The following RARS2 variants were observed in gnomAD, a reference collection of about 807,000 sequenced individuals.
RARS2 encodes probable arginine--tRNA ligase, mitochondrial.
Under a neutral mutation model 88.5 loss-of-function variants are expected in RARS2, and 67 were observed. That is an observed-to-expected ratio of 0.76 (90% CI 0.62 to 0.93). The LOEUF (loss-of-function observed/expected upper bound fraction) is 0.93. RARS2 is among the 40% of genes least tolerant of loss of function. The probability of loss-of-function intolerance (pLI) is 0.00; values close to 1 mark genes in which losing one functional copy is unlikely to be tolerated. For synonymous variants in RARS2, 239 were observed against 230.3 expected, an observed-to-expected ratio of 1.04 and a Z score of -0.34; for missense variants, 664 against 684.2, an observed-to-expected ratio of 0.97 and a Z score of 0.33.
chr6:87,518,148 G>A (rs758282883), intron 17 of RARS2, 21 bp downstream of exon 17: 12 of 1,613,994 alleles, frequency 7.4e-6, no homozygotes, highest in Non-Finnish European at 1.0e-5. Context: ...CACACTTGAT[G>A]ATCCCTGGAA....
intron 1 of RARS2, among the ~76,000 whole-genome samples, chr6:87,573,684 A>T (rs898802427): frequency 5.3e-5 from 8 of 152,172 alleles, no homozygotes; most frequent in Non-Finnish European, 1.2e-4. Flanking sequence ...ATTTTTTCAC[A>T]ATTTAAAAAA....
At chr6:87,572,025 A>G (rs1769897404) in intron 1 of RARS2, among the ~76,000 whole-genome samples, 1 of 152,086 alleles carries the variant, frequency 6.6e-6, no homozygotes, top group Admixed American at 6.6e-5. Context: ...AGGCTCAAAC[A>G]GTTCATGTTT....
rs1788652877 is a variant in RARS2 at position 87,564,060 on chromosome 6, A to G, written c.213+70T>C. 2.6e-6 allele frequency: 3 copies of G among 1,139,978 alleles called. No individual in the cohort carries two copies. The Admixed American group carries it at 5.2e-5, about 20-fold the overall frequency. 70.6% of individuals were successfully genotyped at this position (1,139,978 alleles called of 1,614,324 possible). On this transcript the variant is annotated intron_variant, in intron 3 of 19. Transcript: ENST00000369536. ...TTAAATTCACTATTATGGCTGAGATAGCCTGCAAAGTACTTTTTTTAATAA... is the reference window on the plus strand; with the variant it reads ...TTAAATTCACTATTATGGCTGAGATGGCCTGCAAAGTACTTTTTTTAATAA...
At chr6:87,532,927 T>C (rs1398931402) in intron 8 of RARS2, among the ~76,000 whole-genome samples, 2 of 152,180 alleles carry the variant, frequency 1.3e-5, no homozygotes, top group Non-Finnish European at 2.9e-5. Context: ...TTCTTGACTT[T>C]TGAATGACAC....
At chr6:87,561,737 G>C (rs182344638) in intron 4 of RARS2, among the ~76,000 whole-genome samples, 2 of 152,264 alleles carry the variant, frequency 1.3e-5, no homozygotes, top group African/African-American at 4.8e-5. Context: ...TAAGCAGTCC[G>C]CTTGCTCCTT....
At chr6:87,536,419 A>T (rs965822510) in intron 8 of RARS2, among the ~76,000 whole-genome samples, 2 of 151,974 alleles carry the variant, frequency 1.3e-5, no homozygotes, top group Non-Finnish European at 2.9e-5. Context: ...GGCGGATCAC[A>T]AGGTCAGGAG....
intron 5 of RARS2, among the ~76,000 whole-genome samples, chr6:87,553,257 T>C (rs77631412): frequency 0.011 from 1,708 of 152,292 alleles, 31 homozygotes; most frequent in African/African-American, 0.039. Context: ...AGAGCCATTT[T>C]TGATTTGTAG....
At chr6:87,541,375 T>C (rs1466684483) in intron 8 of RARS2, among the ~76,000 whole-genome samples, 1 of 152,100 alleles carries the variant, frequency 6.6e-6, no homozygotes, top group Non-Finnish European at 1.5e-5. Context: ...CCAGGTCTCA[T>C]TATGTTGCCC....
Position 87,518,646 on chromosome 6 carries a change from G to GTT in RARS2, c.1398_1399insAA (p.His467AsnfsTer17), listed in dbSNP as rs1772647263. 2 of 1,612,992 alleles carry GTT rather than the reference G, an allele frequency of 1.2e-6. No individual in the cohort carries two copies. The highest frequency in any genetic ancestry group is 2.2e-5 in the South Asian group (2 of 91,040). ...TCTTCTCACCTGTGGAGGCGGGCGT[G>GTT]TGTGTACTGTAGGAAGACTCCTGTG... On this transcript the variant is annotated frameshift_variant, in exon 16 of 20. Coordinates refer to ENST00000369536, the MANE Select transcript of RARS2 (RefSeq NM_020320.5). LOFTEE classifies it high-confidence loss of function.
Position 87,560,217 on chromosome 6 carries a change from G to C in RARS2, c.297+2485C>G, listed in dbSNP as rs539926359. ...TTTAAACCCTTCAATGATTTGAACG[G>C]TTTAAGAGATTTTTAAATTTAACTT... On this transcript the variant is annotated intron_variant, in intron 4 of 19. Transcript: ENST00000369536. 2.6e-5 allele frequency among the ~76,000 whole-genome samples: 4 copies of C among 152,288 alleles called. No homozygotes were observed. In the East Asian group the frequency reaches 7.7e-4, roughly 29 times the overall value.
At chr6:87,535,678 T>G (rs1194511147) in intron 8 of RARS2, among the ~76,000 whole-genome samples, 1 of 37,222 alleles carries the variant, frequency 2.7e-5, no homozygotes, top group Non-Finnish European at 4.5e-5. Context: ...ACTGTTTTGT[T>G]TTTTTTTTTT....
intron 1 of RARS2, among the ~76,000 whole-genome samples, chr6:87,588,787 A>G (rs1776009488): frequency 6.6e-6 from 1 of 152,164 alleles, no homozygotes; most frequent in African/African-American, 2.4e-5. Flanking sequence ...AACCCTAATC[A>G]AGCCATCTTC....
chr6:87,519,692 G>A lies in RARS2; in HGVS notation c.1128C>T (p.Pro376=), dbSNP rs1361220701. 1 of 1,613,868 alleles carries A rather than the reference G, an allele frequency of 6.2e-7. No homozygotes were observed. The highest frequency in any genetic ancestry group is 2.2e-5 in the East Asian group (1 of 44,874). The part of the protein sequence containing the change: ...YDWAERCQHV[P]FGVVQGMKTR... Reference sequence around the variant, plus strand: ...TCTTCATTCCCTGTACTACTCCAAAGGGCACGTGCTGGCACCTAAAAGAGT... The same window carrying A: ...TCTTCATTCCCTGTACTACTCCAAAAGGCACGTGCTGGCACCTAAAAGAGT... Residue 376 remains proline (P), a synonymous_variant, in exon 14 of 20, where the codon CCC becomes CCT. Coordinates refer to ENST00000369536, the MANE Select transcript of RARS2 (RefSeq NM_020320.5).
At chr6:87,561,013 A>G (rs1487799116) in intron 4 of RARS2, among the ~76,000 whole-genome samples, 1 of 152,238 alleles carries the variant, frequency 6.6e-6, no homozygotes, top group Non-Finnish European at 1.5e-5. Flanking sequence ...ATACTTCATT[A>G]TAAATGACTA....
intron 8 of RARS2, among the ~76,000 whole-genome samples, chr6:87,539,650 C>T (rs964615457): frequency 1.6e-4 from 24 of 152,248 alleles, no homozygotes; most frequent in African/African-American, 5.8e-4. Flanking sequence ...CCGTTCCAGC[C>T]AATGGAAACC....
intron 1 of RARS2, among the ~76,000 whole-genome samples, chr6:87,571,436 A>G (rs1440369333): frequency 6.6e-6 from 1 of 152,208 alleles, no homozygotes; most frequent in African/African-American, 2.4e-5. Context: ...ACTAATACAC[A>G]TATGTATATC....
At chr6:87,532,226 C>A (rs1376959272) in intron 8 of RARS2, among the ~76,000 whole-genome samples, 2 of 151,248 alleles carry the variant, frequency 1.3e-5, no homozygotes, top group African/African-American at 4.9e-5. Flanking sequence ...TTTTTTTTCC[C>A]CCTAGAAAAG....
At chr6:87,557,570 TAA>T (rs1786369129) in intron 4 of RARS2, among the ~76,000 whole-genome samples, 1 of 152,244 alleles carries the variant, frequency 6.6e-6, no homozygotes, top group Admixed American at 6.5e-5. Flanking sequence ...GCAACATTAA[TAA>T]TTTTTAAAAA....
rs745877104 is a variant in RARS2 at position 87,519,462 on chromosome 6, T to G, written c.1237+121A>C. On this transcript the variant is annotated intron_variant, in intron 14 of 19. Coordinates refer to ENST00000369536, the MANE Select transcript of RARS2 (RefSeq NM_020320.5). ...CACCTCTAATTAGTGAAAGGTATTT[T>G]TGACAAAGTTAGTGACACTTCAATG... 1.3e-5 allele frequency: 15 copies of G among 1,136,502 alleles called. No individual in the cohort carries two copies. The East Asian group carries it at 3.8e-4, about 29-fold the overall frequency. The allele number at this position is 1,136,502 out of a possible 1,614,324, so 70.4% of individuals were successfully genotyped here.
Sources: allele counts gnomAD v4.1 joint callset (sites outside exome capture counted in the v4.1 genomes callset), GRCh38; gene constraint gnomAD v4.1.1; transcripts MANE v1.5; gene names NCBI Gene and HGNC (gene_info 2026-07-23, HGNC 2026-07-21).